The following RTTN variants were observed in gnomAD, a reference collection of about 807,000 sequenced individuals.
RTTN encodes the protein rotatin.
RTTN carries 182 observed loss-of-function variants against 269.2 expected under a neutral mutation model. The observed-to-expected ratio is 0.68, with a 90% confidence interval of 0.60 to 0.76. RTTN has a LOEUF of 0.76. Ranked by LOEUF, RTTN falls within the 30% of genes least tolerant of loss-of-function variation. RTTN has a pLI of 0.00. For synonymous variants in RTTN, 1,006 were observed against 963.5 expected (o/e 1.04, Z -0.82); for missense variants, 2,545 against 2,608.6 (o/e 0.98, Z 0.53).
intron 44 of RTTN, among the ~76,000 whole-genome samples, chr18:70,022,933 C>T (rs1483848974): frequency 6.6e-6 from 1 of 152,126 alleles, no homozygotes; most frequent in Non-Finnish European, 1.5e-5. Context: ...TCGCAAACAG[C>T]CACGTGGCTT....
chr18:70,057,873 A>G (rs748412155), intron 36 of RTTN, 41 bp from the exon 37 acceptor site: 11 of 1,361,326 alleles, frequency 8.1e-6, no homozygotes, highest in African/African-American at 1.4e-5. Flanking sequence ...GAAGATTAGT[A>G]TACTTTTTAT....
intron 6 of RTTN, among the ~76,000 whole-genome samples, chr18:70,197,254 C>T (rs960097412): frequency 6.6e-6 from 1 of 152,220 alleles, no homozygotes; most frequent in African/African-American, 2.4e-5. Context: ...CTCACCGCTA[C>T]TGTATTTTCC....
At chr18:70,048,296 C>A in intron 39 of RTTN, 108 bp from the exon 40 acceptor site, 1 of 1,046,274 alleles carries the variant, frequency 9.6e-7, no homozygotes, top group Non-Finnish European at 1.4e-6. Context: ...TCTAGATTAC[C>A]AACTTGTGTG....
chr18:70,112,483 CA>C (rs36147576), intron 27 of RTTN, among the ~76,000 whole-genome samples: 31 of 68,052 alleles, frequency 4.6e-4, no homozygotes, highest in South Asian at 1.9e-3. Context: ...AAATGGAAAG[CA>C]AAAAAAAAAA....
chr18:70,172,349 C>CA (rs1181534845), intron 11 of RTTN, among the ~76,000 whole-genome samples: 3 of 151,970 alleles, frequency 2.0e-5, no homozygotes, highest in Non-Finnish European at 2.9e-5. Context: ...AGTGGCAACT[C>CA]AAAAAAACCA....
rs754083137 is a variant in RTTN at position 70,121,646 on chromosome 18, G to A, written c.3438C>T (p.Ile1146=). 6 of 1,575,218 alleles carry A rather than the reference G, an allele frequency of 3.8e-6. No homozygotes were observed. The highest frequency in any genetic ancestry group is 5.1e-6 in the Non-Finnish European group (6 of 1,166,324). The change falls in exon 26 of 49, where the codon ATC becomes ATT. Residue 1146 remains isoleucine, a synonymous_variant. Transcript: ENST00000640769. ...CTEDEKLLID[I]IHFLNKLIKE... is the part of the protein sequence containing the mutation. ...TTATTAATTTATTTAAAAAATGTATGATATCTATTAGCAGTTTCTCATCTT... is the reference window on the plus strand; with the variant it reads ...TTATTAATTTATTTAAAAAATGTATAATATCTATTAGCAGTTTCTCATCTT...
intron 28 of RTTN, among the ~76,000 whole-genome samples, chr18:70,093,424 T>C (rs1173603624): frequency 6.6e-6 from 1 of 152,216 alleles, no homozygotes; most frequent in Non-Finnish European, 1.5e-5. Context: ...TTCAGTATGA[T>C]ATTGGCTGTG....
chr18:70,168,554 T>C (rs1440037322), intron 12 of RTTN, among the ~76,000 whole-genome samples: 1 of 152,194 alleles, frequency 6.6e-6, no homozygotes, highest in Non-Finnish European at 1.5e-5. Flanking sequence ...TTCATATCAG[T>C]AAGTCACTTA....
intron 11 of RTTN, among the ~76,000 whole-genome samples, chr18:70,172,639 TTAGA>T (rs2061171710): frequency 6.6e-6 from 1 of 152,038 alleles, no homozygotes; most frequent in Non-Finnish European, 1.5e-5. Context: ...CTACCAAAAA[TTAGA>T]TAATTGATTT....
chr18:70,106,876 T>C (rs1447076680), intron 28 of RTTN, among the ~76,000 whole-genome samples: 1 of 152,200 alleles, frequency 6.6e-6, no homozygotes, highest in African/African-American at 2.4e-5. Flanking sequence ...ATCAATTTAC[T>C]TATCTTTCAA....
chr18:70,142,232 C>T, intron 19 of RTTN, 56 bp downstream of exon 19: 1 of 1,142,498 alleles, frequency 8.8e-7, no homozygotes, highest in East Asian at 2.4e-5. Flanking sequence ...TACCATATGG[C>T]AATCTAAAAT....
At chr18:70,017,979 G>C (rs2056592464) in intron 45 of RTTN, among the ~76,000 whole-genome samples, 1 of 152,144 alleles carries the variant, frequency 6.6e-6, no homozygotes. Flanking sequence ...CAGGGCTCTT[G>C]AGTTTTCTCT....
intron 1 of RTTN, 150 bp downstream of exon 1, chr18:70,205,478 G>C (rs2062054556): frequency 3.0e-6 from 4 of 1,322,912 alleles, no homozygotes; most frequent in African/African-American, 2.9e-5. Flanking sequence ...CACAAAGTCC[G>C]AGATGGGTCC....
chr18:70,038,993 A>C (rs2057258624), intron 40 of RTTN, among the ~76,000 whole-genome samples: 1 of 152,242 alleles, frequency 6.6e-6, no homozygotes, highest in African/African-American at 2.4e-5. Flanking sequence ...AGAAAGAATT[A>C]GTAAACTTGA....
In RTTN at chr18:70,140,120, A is replaced by G. The variant is rs1166274703; in HGVS notation, c.2650T>C (p.Cys884Arg). 6 of 1,597,152 alleles carry G rather than the reference A, an allele frequency of 3.8e-6. No homozygotes were observed. In the Admixed American group the frequency reaches 5.0e-5, roughly 13 times the overall value. Residue 884 changes from cysteine (C) to arginine (R), a missense_variant, in exon 20 of 49, where the codon TGT becomes CGT. By Grantham distance (180) the Cys-to-Arg change is radical. Transcript: ENST00000640769. ...CTTACCTTGCCATCTTGACTCACAC[A>G]TTCATTTAAATACTCAATTATTTTG... ...IDKIIEYLNE[C>R]VSQDGKVVEC... is the part of the protein sequence containing the mutation.
At chr18:70,195,467 CCTGA>C (rs2061782643) in intron 7 of RTTN, among the ~76,000 whole-genome samples, 2 of 147,568 alleles carry the variant, frequency 1.4e-5, no homozygotes, top group African/African-American at 5.0e-5. Context: ...AGGGACTTTC[CCTGA>C]CTATCCTAAA....
chr18:70,099,404 T>C (rs2059094996), intron 28 of RTTN, among the ~76,000 whole-genome samples: 1 of 152,236 alleles, frequency 6.6e-6, no homozygotes, highest in Admixed American at 6.5e-5. Context: ...TCTGCTCATA[T>C]CCTTCGCCCA....
intron 27 of RTTN, among the ~76,000 whole-genome samples, chr18:70,112,299 A>G (rs545373291): frequency 1.3e-5 from 2 of 152,194 alleles, no homozygotes; most frequent in Admixed American, 6.5e-5. Context: ...AAATTCACAC[A>G]TAACAATATT....
At chr18:70,032,083 A>G (rs957907027) in intron 40 of RTTN, among the ~76,000 whole-genome samples, 1 of 152,206 alleles carries the variant, frequency 6.6e-6, no homozygotes, top group Non-Finnish European at 1.5e-5. Flanking sequence ...AGAGTTTGGT[A>G]TGGGAGTGTC....
Sources: allele counts gnomAD v4.1 joint callset (sites outside exome capture counted in the v4.1 genomes callset), GRCh38; gene constraint gnomAD v4.1.1; transcripts MANE v1.5; gene names NCBI Gene and HGNC (gene_info 2026-07-23, HGNC 2026-07-21).